Variants in GRM1 observed in about 807,000 individuals in gnomAD.
The protein encoded by GRM1 is glutamate metabotropic receptor 1.
Under a neutral mutation model 90.9 loss-of-function variants are expected in GRM1, and 33 were observed. The observed-to-expected ratio is 0.36, with a 90% CI of 0.28 to 0.49. The LOEUF is 0.49. Ranked by LOEUF, GRM1 falls within the 20% of genes least tolerant of loss-of-function variation. The probability of loss-of-function intolerance (pLI) is 0.99; values close to 1 mark genes in which losing one functional copy is unlikely to be tolerated. For synonymous variants in GRM1, 700 were observed against 613.2 expected (o/e 1.14, Z -2.09); for missense variants, 1,190 against 1,534.3 (o/e 0.78, Z 3.75).
chr6:146,151,169 G>A (rs1020289014), intron 1 of GRM1, among the ~76,000 whole-genome samples: 6 of 152,188 alleles, frequency 3.9e-5, no homozygotes, highest in Non-Finnish European at 8.8e-5. Context: ...ACAGGAGAAT[G>A]AGAGAGACTA....
chr6:146,404,241 A>G (rs908174108), intron 7 of GRM1, among the ~76,000 whole-genome samples: 2 of 152,126 alleles, frequency 1.3e-5, no homozygotes, highest in African/African-American at 4.8e-5. Context: ...TCAATTTCTC[A>G]TTCATTCATT....
intron 3 of GRM1, among the ~76,000 whole-genome samples, chr6:146,344,288 A>C (rs10872587): frequency 6.6e-6 from 1 of 152,044 alleles, no homozygotes. Flanking sequence ...TTTACTATCT[A>C]TAGTGCAGTG....
At chr6:146,408,763 C>A (rs1372360577) in intron 7 of GRM1, among the ~76,000 whole-genome samples, 1 of 152,150 alleles carries the variant, frequency 6.6e-6, no homozygotes, top group East Asian at 1.9e-4. Flanking sequence ...CCCTGTATGA[C>A]ACGGTTTGGC....
At chr6:146,082,337 G>A (rs894557890) in intron 1 of GRM1, among the ~76,000 whole-genome samples, 10 of 151,962 alleles carry the variant, frequency 6.6e-5, no homozygotes, top group Admixed American at 2.0e-4. Flanking sequence ...TGTATTTTTA[G>A]TAGAGACAGG....
intron 2 of GRM1, among the ~76,000 whole-genome samples, chr6:146,279,163 C>A (rs560483878): frequency 6.6e-6 from 1 of 152,096 alleles, no homozygotes; most frequent in South Asian, 2.1e-4. Context: ...ATAATAATTT[C>A]TGTTCCTTTT....
intron 2 of GRM1, among the ~76,000 whole-genome samples, chr6:146,172,505 G>C (rs771952879): frequency 2.0e-5 from 3 of 152,192 alleles, no homozygotes; most frequent in Non-Finnish European, 4.4e-5. Flanking sequence ...TTGAGCAGAA[G>C]GTCAAAGAGA....
intron 1 of GRM1, among the ~76,000 whole-genome samples, chr6:146,082,192 GT>G (rs1160334816): frequency 6.6e-6 from 1 of 152,140 alleles, no homozygotes; most frequent in Non-Finnish European, 1.5e-5. Flanking sequence ...GCCTTACACT[GT>G]CACCCAGGCT....
At chr6:146,206,596 G>A (rs1779501922) in intron 2 of GRM1, among the ~76,000 whole-genome samples, 3 of 149,890 alleles carry the variant, frequency 2.0e-5, no homozygotes, top group Admixed American at 6.6e-5. Context: ...AGACTTGGAT[G>A]TTTGTTAGTT....
chr6:146,322,574 C>CTTTTATTTTCTTTTA (rs1554296829), intron 3 of GRM1, among the ~76,000 whole-genome samples: 1 of 144,878 alleles, frequency 6.9e-6, no homozygotes, highest in African/African-American at 2.7e-5. Flanking sequence ...TGCTGCCTTT[C>CTTTTATTTTCTTTTA]TTTTATTTTA....
At chr6:146,127,331 T>C (rs1776233940) in intron 1 of GRM1, among the ~76,000 whole-genome samples, 1 of 152,108 alleles carries the variant, frequency 6.6e-6, no homozygotes, top group Admixed American at 6.6e-5. Flanking sequence ...TAATAGAGAA[T>C]GATTGGCAAA....
chr6:146,240,222 C>G, intron 2 of GRM1, among the ~76,000 whole-genome samples: 1 of 152,052 alleles, frequency 6.6e-6, no homozygotes, highest in East Asian at 1.9e-4. Context: ...CAGGATACCT[C>G]TGGCTCCGAC....
chr6:146,364,112 T>C (rs867975543), intron 5 of GRM1, among the ~76,000 whole-genome samples: 4 of 152,258 alleles, frequency 2.6e-5, no homozygotes, highest in South Asian at 2.1e-4. Flanking sequence ...TTGACGATTT[T>C]ATACTCAATT....
intron 2 of GRM1, among the ~76,000 whole-genome samples, chr6:146,186,918 T>C (rs775041997): frequency 1.1e-4 from 17 of 152,210 alleles, no homozygotes; most frequent in African/African-American, 1.4e-4. Flanking sequence ...CTGGGAATTA[T>C]GGCAGATGGA....
At chr6:146,300,729 A>T (rs1471339162) in intron 2 of GRM1, among the ~76,000 whole-genome samples, 1 of 151,872 alleles carries the variant, frequency 6.6e-6, no homozygotes, top group African/African-American at 2.4e-5. Context: ...CTGGGTCACT[A>T]CCCAGCACAG....
chr6:146,126,681 G>T (rs754350155), intron 1 of GRM1, among the ~76,000 whole-genome samples: 3 of 152,102 alleles, frequency 2.0e-5, no homozygotes, highest in Non-Finnish European at 2.9e-5. Context: ...ATTCTCCTGT[G>T]TGTTTTGTTG....
chr6:146,376,142 C>T (rs1776090376), intron 5 of GRM1, among the ~76,000 whole-genome samples: 1 of 151,938 alleles, frequency 6.6e-6, no homozygotes, highest in South Asian at 2.1e-4. Flanking sequence ...AATAAACAAA[C>T]AAAAAAGAAA....
intron 3 of GRM1, among the ~76,000 whole-genome samples, chr6:146,346,116 TAC>T (rs1224499226): frequency 2.0e-5 from 3 of 152,256 alleles, no homozygotes; most frequent in African/African-American, 7.2e-5. Context: ...GTTTTCCAGA[TAC>T]ACCATAATTT....
At chr6:146,329,414 T>C (rs1036321105) in intron 3 of GRM1, among the ~76,000 whole-genome samples, 1 of 152,152 alleles carries the variant, frequency 6.6e-6, no homozygotes, top group African/African-American at 2.4e-5. Context: ...ATGTGTTTTG[T>C]GGAGGATTAA....
chr6:146,157,326 A>T (rs2128890256), intron 1 of GRM1, among the ~76,000 whole-genome samples: 1 of 152,336 alleles, frequency 6.6e-6, no homozygotes, highest in African/African-American at 2.4e-5. Context: ...AAGACAACAG[A>T]TCACAAGATA....
Sources: gnomAD v4.1 joint callset for allele counts (sites outside exome capture counted in the v4.1 genomes callset) on GRCh38, gnomAD v4.1.1 for gene constraint, MANE v1.5 for transcripts, NCBI Gene and HGNC (gene_info 2026-07-23, HGNC 2026-07-21) for gene names.